Variants in CHD9 observed in about 807,000 individuals in gnomAD.
CHD9 encodes chromodomain helicase DNA binding protein 9.
CHD9 carries 77 observed loss-of-function variants against 316.1 expected under a neutral mutation model. The ratio of observed to expected loss-of-function variants is 0.24; its 90% CI spans 0.20 to 0.29. The LOEUF is 0.29. Among genes scored for constraint, CHD9 ranks in the 10% least tolerant of loss-of-function variants. The pLI is 1.00. For missense variants in CHD9, 2,763 were observed against 3,438.1 expected (o/e 0.80, Z 4.91); for synonymous variants, 1,129 against 1,158.3 (o/e 0.97, Z 0.51).
At chr16:53,271,088 A>G (rs189148907) in intron 22 of CHD9, among the ~76,000 whole-genome samples, 1 of 152,184 alleles carries the variant, frequency 6.6e-6, no homozygotes, top group Non-Finnish European at 1.5e-5. Flanking sequence ...GCTTGCCCCA[A>G]ACCTAAAGAT....
At chr16:53,070,614 G>T (rs2033964247) in intron 1 of CHD9, among the ~76,000 whole-genome samples, 1 of 151,188 alleles carries the variant, frequency 6.6e-6, no homozygotes, top group South Asian at 2.1e-4. Flanking sequence ...GAGTGTAATG[G>T]CGTGATCTTG....
Position 53,308,726 on chromosome 16 carries a change from C to T in CHD9, c.7094C>T (p.Ala2365Val). The stretch of plus-strand genomic sequence containing the variant: ...TTGACATTTCAGAAGCAAGGGCTTG[C>T]TCAGAAAAGACCATTTGATGGTGAA... ...LKLTFQKQGL[A>V]QKRPFDGEDG... Residue 2365 changes from alanine (A) to valine (V), a missense_variant, in exon 34 of 39, where the codon GCT becomes GTT. Physicochemically the swap from Ala to Val is moderately conservative, Grantham distance 64 (BLOSUM62 0). Coordinates refer to ENST00000447540, the MANE Select transcript of CHD9 (RefSeq NM_001308319.2). 6.2e-7 allele frequency: 1 copy of T among 1,613,040 alleles called. No individual in the cohort carries two copies. Among genetic ancestry groups the T allele is most frequent in the East Asian group, 2.2e-5 (1 of 44,844 alleles).
intron 24 of CHD9, among the ~76,000 whole-genome samples, chr16:53,274,800 A>G (rs1425574084): frequency 6.6e-6 from 1 of 152,072 alleles, no homozygotes; most frequent in Non-Finnish European, 1.5e-5. Context: ...CAAAAATTAT[A>G]TGACCAGAAT....
At chr16:53,128,908 G>A (rs1021039538) in intron 1 of CHD9, among the ~76,000 whole-genome samples, 1 of 152,156 alleles carries the variant, frequency 6.6e-6, no homozygotes, top group Non-Finnish European at 1.5e-5. Context: ...GTTCATAATG[G>A]CATAGACGCA....
At chr16:53,055,232 C>T (rs1471138812) in intron 1 of CHD9, among the ~76,000 whole-genome samples, 155 bp downstream of exon 1, 1 of 152,136 alleles carries the variant, frequency 6.6e-6, no homozygotes, top group Non-Finnish European at 1.5e-5. Context: ...CAGAGACCCG[C>T]AGCCTCGGAG....
At chr16:53,118,462 T>A (rs974188287) in intron 1 of CHD9, among the ~76,000 whole-genome samples, 5 of 152,174 alleles carry the variant, frequency 3.3e-5, no homozygotes, top group African/African-American at 9.7e-5. Flanking sequence ...TTTGCTTAAA[T>A]TGTGGAAGGT....
rs1344583277 is a variant in CHD9, at chr16:53,157,218, C to T, written c.1129C>T (p.His377Tyr). 4 of 1,602,560 alleles carry T rather than the reference C, an allele frequency of 2.5e-6. No homozygotes were observed. The highest frequency in any genetic ancestry group is 3.5e-5 in the Admixed American group (2 of 57,860). ...SGTQMGHFND[H>Y]VETNGFSSLE... ...AACTCAAATGGGCCATTTCAATGAT[C>T]ATGTAGAAACTAATGGCTTTTCATC... Residue 377 changes from histidine (H) to tyrosine (Y), a missense_variant, in exon 2 of 39, where the codon CAT becomes TAT. Physicochemically the swap from His to Tyr is moderately conservative, Grantham distance 83 (BLOSUM62 2). Around this residue, in one of 15 missense-constraint regions of CHD9, gnomAD observed 859 missense variants for 890.4 expected, o/e 0.96. Coordinates refer to ENST00000447540, the MANE Select transcript of CHD9 (RefSeq NM_001308319.2).
At chr16:53,172,553 T>C (rs1245377849) in intron 2 of CHD9, among the ~76,000 whole-genome samples, 1 of 152,174 alleles carries the variant, frequency 6.6e-6, no homozygotes, top group Admixed American at 6.6e-5. Context: ...GGCTGGGTTT[T>C]TAATAGGTAT....
intron 1 of CHD9, among the ~76,000 whole-genome samples, chr16:53,071,075 C>T (rs1237478856): frequency 6.6e-6 from 1 of 152,154 alleles, no homozygotes; most frequent in Admixed American, 6.5e-5. Context: ...CTGTAGATCA[C>T]TTTGGGTAGC....
At chr16:53,308,651 C>T in intron 33 of CHD9, 35 bp from the exon 34 acceptor site, 1 of 1,524,586 alleles carries the variant, frequency 6.6e-7, no homozygotes, top group Non-Finnish European at 9.0e-7. Flanking sequence ...TTTTTTTTAA[C>T]AGTTTCTGTC....
Position 53,318,340 on chromosome 16 carries a change from G to T in CHD9, c.7713G>T (p.Lys2571Asn). The T allele has an allele frequency of 6.3e-7, 1 of 1,591,354 alleles. No homozygotes were observed. The highest frequency in any genetic ancestry group is 8.5e-7 in the Non-Finnish European group (1 of 1,171,342). ...TGATTAACAGAAGAAATGCTAGAAA[G>T]GTATTTTAATGTTTTTTTCTTAATC... ...VQLINRRNAR[K>N]VGGAFAPPLK... is the part of the protein sequence containing the mutation. Residue 2571 changes from lysine to asparagine, a missense_variant and splice_region_variant, in exon 37 of 39, where the codon AAG becomes AAT. Around this residue, in one of 15 missense-constraint regions of CHD9, gnomAD observed 298 missense variants for 380.2 expected, o/e 0.78. Transcript: ENST00000447540.
chr16:53,138,253 T>G (rs2039864134), intron 1 of CHD9, among the ~76,000 whole-genome samples: 1 of 152,194 alleles, frequency 6.6e-6, no homozygotes, highest in South Asian at 2.1e-4. Context: ...ATCTTTATTT[T>G]ATACCATTAG....
At chr16:53,074,687 G>A (rs2034376999) in intron 1 of CHD9, among the ~76,000 whole-genome samples, 2 of 152,254 alleles carry the variant, frequency 1.3e-5, no homozygotes, top group African/African-American at 4.8e-5. Context: ...CTTCCATGTG[G>A]TGTTGAGCCT....
chr16:53,244,611 T>C (rs2049405845), intron 13 of CHD9, among the ~76,000 whole-genome samples: 2 of 152,218 alleles, frequency 1.3e-5, no homozygotes, highest in South Asian at 4.1e-4. Context: ...GAGCACTCTT[T>C]GGTATACAAA....
At chr16:53,138,459 T>A (rs550168292) in intron 1 of CHD9, among the ~76,000 whole-genome samples, 2 of 152,262 alleles carry the variant, frequency 1.3e-5, no homozygotes, top group African/African-American at 4.8e-5. Flanking sequence ...CTACTTTAAA[T>A]GAATCAGAAA....
chr16:53,108,019 A>G (rs1421735201), intron 1 of CHD9, among the ~76,000 whole-genome samples: 1 of 152,204 alleles, frequency 6.6e-6, no homozygotes, highest in African/African-American at 2.4e-5. Context: ...TAGCACCTGA[A>G]CCAAGTCTTG....
At chr16:53,314,599 T>A in intron 35 of CHD9, 83 bp downstream of exon 35, 1 of 1,180,382 alleles carries the variant, frequency 8.5e-7, no homozygotes, top group Non-Finnish European at 1.2e-6. Context: ...TTTGTGAATG[T>A]TTTATAGACT....
chr16:53,313,248 G>GA (rs58458452), intron 34 of CHD9, among the ~76,000 whole-genome samples: 148,486 of 150,662 alleles, frequency 0.99, 73,182 homozygotes, highest in East Asian at 1. Context: ...AGTTACTCAT[G>GA]AAAAAAAAAG....
At position 53,324,812 on chromosome 16, in the gene CHD9, G is replaced by C. The variant is rs373129879; in HGVS notation, c.8611G>C (p.Gly2871Arg). 2.2e-5 allele frequency: 36 copies of C among 1,612,752 alleles called. No homozygotes were observed. Among genetic ancestry groups the C allele is most frequent in the Middle Eastern group, 1.6e-4 (1 of 6,082 alleles). Reference protein sequence around the residue: ...SPLNENSTDEGSEKADASSGS... With the variant: ...SPLNENSTDERSEKADASSGS... Reference sequence around the variant, plus strand: ...TCTCAATGAAAACAGCACAGATGAGGGTTCAGAGAAAGCTGATGCTTCATC... The same window carrying C: ...TCTCAATGAAAACAGCACAGATGAGCGTTCAGAGAAAGCTGATGCTTCATC... Residue 2871 changes from glycine to arginine, a missense_variant, in exon 39 of 39, where the codon GGT becomes CGT. Gly to Arg is a moderately radical substitution (Grantham distance 125). Around this residue, in one of 15 missense-constraint regions of CHD9, gnomAD observed 298 missense variants for 380.2 expected, o/e 0.78. Coordinates refer to ENST00000447540, the MANE Select transcript of CHD9 (RefSeq NM_001308319.2).
Sources: allele counts gnomAD v4.1 joint callset (sites outside exome capture counted in the v4.1 genomes callset), GRCh38; gene constraint gnomAD v4.1.1; regional missense constraint gnomAD v4.1.1; transcripts MANE v1.5; gene names NCBI Gene and HGNC (gene_info 2026-07-23, HGNC 2026-07-21).